RBFOX1: variants seen among roughly 807,000 people sequenced by gnomAD.
The protein encoded by RBFOX1 is RNA binding fox-1 homolog 1.
RBFOX1 carries 8 observed loss-of-function variants against 57.7 expected under a neutral mutation model. The ratio of observed to expected loss-of-function variants is 0.14; its 90% CI spans 0.08 to 0.25. The LOEUF (loss-of-function observed/expected upper bound fraction) is 0.25. RBFOX1 is among the 10% of genes least tolerant of loss of function. RBFOX1 has a pLI of 1.00. For synonymous variants in RBFOX1, 326 were observed against 222.4 expected (o/e 1.47, Z -4.15); for missense variants, 611 against 548.5 (o/e 1.11, Z -1.14).
chr16:5,863,383 C>A (rs1048333984), intron 3 of RBFOX1, among the ~76,000 whole-genome samples: 28 of 152,298 alleles, frequency 1.8e-4, no homozygotes, highest in South Asian at 4.1e-4. Context: ...ATCAGCCCCC[C>A]ACTGCAGACA....
At chr16:7,028,290 C>T (rs1473272146) in intron 3 of RBFOX1, among the ~76,000 whole-genome samples, 1 of 152,130 alleles carries the variant, frequency 6.6e-6, no homozygotes, top group Non-Finnish European at 1.5e-5. Flanking sequence ...GCACACAGTT[C>T]ATGCTCTGAC....
At chr16:6,161,109 C>T (rs568634883) in intron 1 of RBFOX1, among the ~76,000 whole-genome samples, 3 of 152,258 alleles carry the variant, frequency 2.0e-5, no homozygotes, top group South Asian at 4.1e-4. Context: ...TGATCACTGG[C>T]TGGGCACAGT....
intron 3 of RBFOX1, among the ~76,000 whole-genome samples, chr16:6,666,409 C>T (rs2098733004): frequency 6.6e-6 from 1 of 151,838 alleles, no homozygotes; most frequent in African/African-American, 2.4e-5. Context: ...GTGGTGGGCA[C>T]CTATAATCCT....
intron 1 of RBFOX1, among the ~76,000 whole-genome samples, chr16:5,424,859 CT>C (rs1567489299): frequency 7.0e-6 from 1 of 143,116 alleles, no homozygotes; most frequent in African/African-American, 2.8e-5. Context: ...CTCTCTCTCT[CT>C]TCTTTCTTTC....
At chr16:5,402,130 G>C (rs1290420451) in intron 1 of RBFOX1, among the ~76,000 whole-genome samples, 2 of 151,526 alleles carry the variant, frequency 1.3e-5, no homozygotes, top group African/African-American at 4.9e-5. Flanking sequence ...AGAGGCAAGA[G>C]GAAGGGGCAG....
At chr16:7,621,617 A>G (rs1036399504) in intron 10 of RBFOX1, among the ~76,000 whole-genome samples, 2 of 152,238 alleles carry the variant, frequency 1.3e-5, no homozygotes, top group African/African-American at 4.8e-5. Context: ...AAATATTTTT[A>G]AAAGCCTGTG....
intron 4 of RBFOX1, among the ~76,000 whole-genome samples, chr16:7,161,770 A>C (rs561671584): frequency 1.3e-5 from 2 of 152,224 alleles, no homozygotes; most frequent in African/African-American, 2.4e-5. Flanking sequence ...ATACAAACCA[A>C]CATTTATAGA....
downstream of RBFOX1, among the ~76,000 whole-genome samples, chr16:5,604,673 G>A (rs932357072): frequency 5.3e-5 from 8 of 152,140 alleles, no homozygotes. Flanking sequence ...GCCGCACTGA[G>A]GTCTGTCCAT....
intron 3 of RBFOX1, among the ~76,000 whole-genome samples, chr16:6,978,067 C>T (rs534983647): frequency 3.7e-4 from 56 of 151,986 alleles, no homozygotes; most frequent in African/African-American, 1.3e-3. Flanking sequence ...GCCCCGTACC[C>T]CGCCCCCCTT....
At chr16:7,170,633 A>G (rs1255095064) in intron 4 of RBFOX1, among the ~76,000 whole-genome samples, 2 of 152,136 alleles carry the variant, frequency 1.3e-5, no homozygotes, top group Non-Finnish European at 2.9e-5. Context: ...AGAGGTACCC[A>G]CTTTGGGTAT....
chr16:6,231,392 T>C (rs568451246), intron 1 of RBFOX1, among the ~76,000 whole-genome samples: 1 of 152,290 alleles, frequency 6.6e-6, no homozygotes, highest in East Asian at 1.9e-4. Flanking sequence ...TTCTTAAATG[T>C]TGCCCAAAGA....
chr16:5,557,892 A>G lies in RBFOX1; in HGVS notation c.259-41010A>G, dbSNP rs539909344. Among the ~76,000 whole-genome samples the G allele has an allele frequency of 3.3e-5, 5 of 152,320 alleles. No homozygotes were observed. In the South Asian group the frequency reaches 8.3e-4, roughly 25 times the overall value. On this transcript the variant is annotated intron_variant, in intron 2 of 2. Coordinates refer to the RBFOX1 transcript ENST00000585867. ...AAGACCTTAGTGGCCACACCGACAA[A>G]CAGCTGAAGGTCAGAACCAGAACAA...
chr16:6,696,193 T>C (rs754916360), intron 3 of RBFOX1, among the ~76,000 whole-genome samples: 1 of 152,216 alleles, frequency 6.6e-6, no homozygotes, highest in Non-Finnish European at 1.5e-5. Flanking sequence ...TACTCTCTAG[T>C]TGATATAATA....
At chr16:7,094,763 T>TGTGTGTGTGTGTGG (rs1431953737) in intron 4 of RBFOX1, among the ~76,000 whole-genome samples, 3 of 138,706 alleles carry the variant, frequency 2.2e-5, no homozygotes, top group African/African-American at 2.6e-5. Flanking sequence ...TGTGTGTGTG[T>TGTGTGTGTGTGTGG]GTGTGTGTGT....
chr16:6,538,631 T>G (rs1203807625), intron 2 of RBFOX1, among the ~76,000 whole-genome samples: 2 of 152,156 alleles, frequency 1.3e-5, no homozygotes, highest in Non-Finnish European at 2.9e-5. Flanking sequence ...AATTCTCAAA[T>G]ATTGCTGGTT....
At chr16:5,764,824 A>C (rs2053719830) in intron 3 of RBFOX1, among the ~76,000 whole-genome samples, 1 of 152,234 alleles carries the variant, frequency 6.6e-6, no homozygotes, top group African/African-American at 2.4e-5. Context: ...AGCTTATTAA[A>C]CATTTATTAT....
chr16:5,526,744 G>T (rs2089406), intron 2 of RBFOX1, among the ~76,000 whole-genome samples: 111,236 of 152,106 alleles, frequency 0.73, 41,922 homozygotes, highest in African/African-American at 0.91. Flanking sequence ...CTGCATCCAC[G>T]TACATTCTGT....
intron 4 of RBFOX1, among the ~76,000 whole-genome samples, chr16:7,310,996 G>A (rs964463628): frequency 9.9e-5 from 15 of 152,174 alleles, no homozygotes; most frequent in Admixed American, 4.6e-4. Flanking sequence ...ATCCTCTGCC[G>A]TGTCCGGTCT....
intron 5 of RBFOX1, among the ~76,000 whole-genome samples, chr16:7,536,632 G>A (rs993674335): frequency 6.6e-6 from 1 of 152,144 alleles, no homozygotes; most frequent in Non-Finnish European, 1.5e-5. Flanking sequence ...AGAAAGACAT[G>A]CAGAGAAAGG....
Sources: gnomAD v4.1 joint callset for allele counts (sites outside exome capture counted in the v4.1 genomes callset) on GRCh38, gnomAD v4.1.1 for gene constraint, MANE v1.5 for transcripts, NCBI Gene and HGNC (gene_info 2026-07-23, HGNC 2026-07-21) for gene names.